MCF2L: variants seen among roughly 807,000 people sequenced by gnomAD.
MCF2L encodes guanine nucleotide exchange factor DBS.
In MCF2L, 97 loss-of-function variants were observed where a neutral mutation model predicts 153.4. That is an observed-to-expected ratio of 0.63 (90% confidence interval 0.54 to 0.75). The LOEUF (loss-of-function observed/expected upper bound fraction) is 0.75. MCF2L is among the 30% of genes least tolerant of loss of function. The pLI is 0.00. For missense variants in MCF2L, 1,347 were observed against 1,495.2 expected (o/e 0.90, Z 1.64); for synonymous variants, 659 against 632.2 (o/e 1.04, Z -0.64).
chr13:112,983,597 G>A lies in MCF2L; in HGVS notation c.79+14139G>A, dbSNP rs1325356643. ...AGGCGGAGACAGGGAGCCGGGAGGA[G>A]CGTCAGATGCCTGTGGCCTCTTTAC... On this transcript the variant is annotated intron_variant, in intron 1 of 29. Coordinates refer to ENST00000535094, the MANE Select transcript of MCF2L (RefSeq NM_001112732.3). This position sits in a 1 kb window ranked among gnomAD's most constrained non-coding sequence, Gnocchi z 4.0. Among the ~76,000 whole-genome samples, 1 of 152,244 alleles carries A rather than the reference G, an allele frequency of 6.6e-6. No homozygotes were observed. Among genetic ancestry groups the A allele is most frequent in the South Asian group, 2.1e-4 (1 of 4,834 alleles).
At chr13:113,026,982 T>G (rs1488430889) in intron 3 of MCF2L, 3 of 778,916 alleles carry the variant, frequency 3.9e-6, no homozygotes, top group Non-Finnish European at 7.2e-6. Flanking sequence ...ATGCTGAGAA[T>G]GTCAGCCTCA....
At chr13:112,898,031 T>C (rs374948792) in intron 1 of MCF2L, among the ~76,000 whole-genome samples, 1 of 152,220 alleles carries the variant, frequency 6.6e-6, no homozygotes, top group South Asian at 2.1e-4. Flanking sequence ...GCCTTCACTC[T>C]TTAGGGAAGG....
chr13:113,061,066 G>A (rs1443092532), intron 5 of MCF2L, among the ~76,000 whole-genome samples: 4 of 152,246 alleles, frequency 2.6e-5, no homozygotes, highest in East Asian at 1.9e-4. Flanking sequence ...GCCCACCCGC[G>A]AGGAACTCAG....
intron 5 of MCF2L, among the ~76,000 whole-genome samples, chr13:113,061,262 A>G (rs2031361541): frequency 6.6e-6 from 1 of 152,112 alleles, no homozygotes; most frequent in South Asian, 2.1e-4. Context: ...ATCTCCCAAC[A>G]CTGCCCACTG....
chr13:113,037,820 C>A (rs2086243326), intron 3 of MCF2L, among the ~76,000 whole-genome samples: 1 of 152,048 alleles, frequency 6.6e-6, no homozygotes, highest in Non-Finnish European at 1.5e-5. Context: ...CTTGGAGGTA[C>A]CAGGCAGACA....
In MCF2L at chr13:113,077,112, C is replaced by A. The variant is rs1400267537; in HGVS notation, c.1561C>A (p.Gln521Lys). 9.3e-6 allele frequency: 15 copies of A among 1,612,852 alleles called. No individual in the cohort carries two copies. The highest frequency in any genetic ancestry group is 1.3e-5 in the Non-Finnish European group (15 of 1,179,850). ...ASMEEVFHRR[Q>K]ASLKKLAARQ... ...CATGGAGGAGGTGTTCCACCGCAGG[C>A]AGGCCAGCCTGAAGAAGCTGGCGGC... The change falls in exon 13 of 30, where the codon CAG becomes AAG. Residue 521 changes from glutamine to lysine, a missense_variant. Physicochemically the swap from Gln to Lys is moderately conservative, Grantham distance 53 (BLOSUM62 1). This residue lies in a region of MCF2L where 820 missense variants were observed against 921.2 expected (regional missense o/e 0.89). Coordinates refer to ENST00000535094, the MANE Select transcript of MCF2L (RefSeq NM_001112732.3).
In MCF2L at chr13:113,074,698, G is replaced by A. The variant is rs1337087275; in HGVS notation, c.1116+135G>A. ...GCCCCCCGGGGATGTCCATGGGGTG[G>A]GGGGTGCTGCTGCCTGTACCCCTCC... On this transcript the variant is annotated intron_variant, in intron 10 of 29. Transcript: ENST00000535094. This position sits in a 1 kb window ranked among gnomAD's most constrained non-coding sequence, Gnocchi z 4.2. The A allele has an allele frequency of 4.5e-6, 6 of 1,338,198 alleles. No individual in the cohort carries two copies. Among genetic ancestry groups the A allele is most frequent in the African/African-American group, 1.4e-5 (1 of 69,436 alleles). The allele number at this position is 1,338,198 out of a possible 1,614,324, so 82.9% of individuals were successfully genotyped here.
chr13:112,998,338 G>A lies in MCF2L; in HGVS notation c.80-16425G>A, dbSNP rs181391029. ...CCCAGGGCCCTGGCATGTCAGGGAA[G>A]GGGGAGCTCAGAGCCAGGCCAAGCG... On this transcript the variant is annotated intron_variant, in intron 1 of 29. Coordinates refer to ENST00000535094, the MANE Select transcript of MCF2L (RefSeq NM_001112732.3). Among the ~76,000 whole-genome samples the A allele has an allele frequency of 2.1e-3, 318 of 152,282 alleles. 1 individual carries two copies. The highest frequency in any genetic ancestry group is 7.5e-3 in the African/African-American group (310 of 41,554).
intron 19 of MCF2L, 47 bp from the exon 20 acceptor site, chr13:113,085,039 A>T: frequency 6.2e-7 from 1 of 1,612,112 alleles, no homozygotes; most frequent in South Asian, 1.1e-5. Context: ...CCGACTCCTG[A>T]GGAATAATGA....
At chr13:113,023,528 A>G (rs940202716) in intron 2 of MCF2L, among the ~76,000 whole-genome samples, 8 of 152,138 alleles carry the variant, frequency 5.3e-5, no homozygotes, top group African/African-American at 1.9e-4. Context: ...TTACGAGACA[A>G]AGCTGCAGTT....
In MCF2L at chr13:113,045,976, C is replaced by T. The variant is rs543451357; in HGVS notation, c.369+615C>T. On this transcript the variant is annotated intron_variant, in intron 4 of 29. Coordinates refer to ENST00000535094, the MANE Select transcript of MCF2L (RefSeq NM_001112732.3). This position sits in a 1 kb window ranked among gnomAD's most constrained non-coding sequence, Gnocchi z 4.2. ...CCTCCCTTCCCCAGTAACCCAGCCTCGCATGTAGCCACCCTCCTTTCCAAG... is the reference window on the plus strand; with the variant it reads ...CCTCCCTTCCCCAGTAACCCAGCCTTGCATGTAGCCACCCTCCTTTCCAAG... The T allele has an allele frequency of 3.2e-5, 5 of 156,834 alleles. No homozygotes were observed. Among genetic ancestry groups the T allele is most frequent in the Admixed American group, 1.9e-4 (3 of 16,212 alleles). 9.7% of individuals were successfully genotyped at this position (156,834 alleles called of 1,614,324 possible).
At chr13:112,956,933 A>G (rs1051199113) in intron 2 of MCF2L, 1 of 152,222 alleles carries the variant, frequency 6.6e-6, no homozygotes, top group Non-Finnish European at 1.5e-5. Context: ...AAGGCATTCA[A>G]TACCCAGATC....
intron 2 of MCF2L, among the ~76,000 whole-genome samples, chr13:112,911,522 C>G (rs776730710): frequency 6.6e-6 from 1 of 152,214 alleles, no homozygotes; most frequent in Non-Finnish European, 1.5e-5. Flanking sequence ...GGGAATGGCC[C>G]GCCCACCATG....
At chr13:112,901,406 G>A (rs1216043191) in intron 1 of MCF2L, among the ~76,000 whole-genome samples, 4 of 152,184 alleles carry the variant, frequency 2.6e-5, no homozygotes, top group Non-Finnish European at 5.9e-5. Flanking sequence ...CGCCGGCGTC[G>A]GCCTCCCAAA....
intron 20 of MCF2L, 39 bp from the exon 21 acceptor site, chr13:113,086,084 TC>T (rs780488576): frequency 6.3e-7 from 1 of 1,581,682 alleles, no homozygotes; most frequent in Admixed American, 1.8e-5. Context: ...GCCAGGGCTC[TC>T]CGTGTCCCGA....
chr13:113,007,789 T>C (rs908856635), intron 1 of MCF2L, among the ~76,000 whole-genome samples: 2 of 152,228 alleles, frequency 1.3e-5, no homozygotes, highest in African/African-American at 4.8e-5. Context: ...CATTAGGTGA[T>C]TGCCGGACTT....
intron 1 of MCF2L, chr13:112,979,475 A>T (rs1407628195): frequency 2.8e-6 from 4 of 1,426,272 alleles, no homozygotes; most frequent in Non-Finnish European, 3.6e-6. Context: ...CTTTCTTGTG[A>T]GTTGGCGAAG....
At chr13:113,015,611 G>T (rs1164336390) in intron 2 of MCF2L, among the ~76,000 whole-genome samples, 2 of 152,278 alleles carry the variant, frequency 1.3e-5, no homozygotes, top group African/African-American at 2.4e-5. Context: ...CCTCCATCCC[G>T]CACCTGCACC....
rs997405904 is a variant in MCF2L at position 113,064,480 on chromosome 13, C to T, written c.606+60C>T. 12 of 1,076,656 alleles carry T rather than the reference C, an allele frequency of 1.1e-5. No homozygotes were observed. The highest frequency in any genetic ancestry group is 3.5e-5 in the Admixed American group (2 of 57,754). 66.7% of individuals were successfully genotyped at this position (1,076,656 alleles called of 1,614,324 possible). On this transcript the variant is annotated intron_variant, in intron 6 of 29. Coordinates refer to ENST00000535094, the MANE Select transcript of MCF2L (RefSeq NM_001112732.3). This position sits in a 1 kb window ranked among gnomAD's most constrained non-coding sequence, Gnocchi z 6.0. Reference sequence around the variant, plus strand: ...ACCAGCTCGAGTACTTCCACAGAATCGCTCTTGCATTACAACACGGCCCTT... The same window carrying T: ...ACCAGCTCGAGTACTTCCACAGAATTGCTCTTGCATTACAACACGGCCCTT...
Sources: allele counts gnomAD v4.1 joint callset (sites outside exome capture counted in the v4.1 genomes callset), GRCh38; gene constraint gnomAD v4.1.1; regional missense constraint gnomAD v4.1.1; non-coding constraint Gnocchi (gnomAD v3.1); transcripts MANE v1.5; gene names NCBI Gene and HGNC (gene_info 2026-07-23, HGNC 2026-07-21).